The following ARHGAP21 variants were observed in gnomAD, a reference collection of about 807,000 sequenced individuals.
ARHGAP21 encodes the protein Rho GTPase activating protein 21.
In ARHGAP21, 38 loss-of-function variants were observed where a neutral mutation model predicts 164.6. The ratio of observed to expected loss-of-function variants is 0.23; its 90% CI spans 0.18 to 0.30. The LOEUF (loss-of-function observed/expected upper bound fraction) is 0.30. Ranked by LOEUF, ARHGAP21 falls within the 10% of genes least tolerant of loss-of-function variation. ARHGAP21 has a pLI of 1.00. For synonymous variants in ARHGAP21, 766 were observed against 857.9 expected (o/e 0.89, Z 1.87); for missense variants, 1,822 against 2,370.7 (o/e 0.77, Z 4.81).
At chr10:24,633,646 T>A (rs568162215) in intron 5 of ARHGAP21, among the ~76,000 whole-genome samples, 166 bp from the exon 6 acceptor site, 2 of 152,200 alleles carry the variant, frequency 1.3e-5, no homozygotes, top group South Asian at 4.1e-4. Flanking sequence ...ATAAAACAAT[T>A]ATATGAATAT....
At chr10:24,643,785 A>C (rs1274940409) in intron 4 of ARHGAP21, among the ~76,000 whole-genome samples, 1 of 152,216 alleles carries the variant, frequency 6.6e-6, no homozygotes, top group African/African-American at 2.4e-5. Context: ...TTCCCAGTTC[A>C]GCTAAGTTCT....
At chr10:24,674,470 G>A (rs1253829174) in intron 2 of ARHGAP21, among the ~76,000 whole-genome samples, 17 of 152,082 alleles carry the variant, frequency 1.1e-4, no homozygotes, top group Admixed American at 2.0e-4. Flanking sequence ...GCAGCAAGCC[G>A]AGATCATGTC....
chr10:24,610,231 G>T (rs988303037), intron 9 of ARHGAP21, among the ~76,000 whole-genome samples: 34 of 152,146 alleles, frequency 2.2e-4, no homozygotes, highest in African/African-American at 7.7e-4. Flanking sequence ...ACAAAAATTA[G>T]CTGGGCATGG....
chr10:24,620,782 T>C lies in ARHGAP21; in HGVS notation c.1113A>G (p.Val371=), dbSNP rs1834461440. The change falls in exon 9 of 26, where the codon GTA becomes GTG. Residue 371 remains valine, a synonymous_variant. Transcript: ENST00000396432. The stretch of plus-strand genomic sequence containing the variant: ...AATTTGGCGAATAGTGATTAACAGA[T>C]ACAGAGGGAGCCTCCACAGCTTGAG... ...SRSQAVEAPS[V]SVNHYSPNSH... 4 of 1,614,210 alleles carry C rather than the reference T, an allele frequency of 2.5e-6. No homozygotes were observed. The highest frequency in any genetic ancestry group is 3.4e-6 in the Non-Finnish European group (4 of 1,180,040).
chr10:24,696,724 G>A (rs551074092), intron 2 of ARHGAP21, among the ~76,000 whole-genome samples: 2 of 152,300 alleles, frequency 1.3e-5, no homozygotes, highest in African/African-American at 4.8e-5. Flanking sequence ...GAACTGCTAT[G>A]ACAGACCATG....
At position 24,596,731 on chromosome 10, in the gene ARHGAP21, G is replaced by A. The variant is rs1463992781; in HGVS notation, c.3477+9C>T. The A allele has an allele frequency of 6.2e-7, 1 of 1,613,478 alleles. No individual in the cohort carries two copies. The highest frequency in any genetic ancestry group is 1.7e-5 in the Admixed American group (1 of 59,870). On this transcript the variant is annotated intron_variant, in intron 17 of 25. Transcript: ENST00000396432. Reference sequence around the variant, plus strand: ...ACTTGAGGAAATCCGGTGGGCTGGTGTCTCCTACCCGATTAGTATGAGCTG... The same window carrying A: ...ACTTGAGGAAATCCGGTGGGCTGGTATCTCCTACCCGATTAGTATGAGCTG...
rs1046850817 is a variant in ARHGAP21 at position 24,704,550 on chromosome 10, C to T, written c.63+17287G>A. 2.6e-5 allele frequency among the ~76,000 whole-genome samples: 4 copies of T among 151,874 alleles called. 1 individual carries two copies. The South Asian group carries it at 6.2e-4, about 24-fold the overall frequency. ...CACAATCTCGGCTCACTGCAACCTC[C>T]GCCTCCCAGGTTCAAGCGATTCTCA... On this transcript the variant is annotated intron_variant, in intron 2 of 25. Transcript: ENST00000396432.
At chr10:24,715,512 G>A (rs10764490) in intron 2 of ARHGAP21, among the ~76,000 whole-genome samples, 64,611 of 151,906 alleles carry the variant, frequency 0.43, 13,897 homozygotes, top group Non-Finnish European at 0.43. Flanking sequence ...ATCTCTTAGT[G>A]GAAATTGTTT....
chr10:24,626,982 T>G (rs1835202613), intron 7 of ARHGAP21, among the ~76,000 whole-genome samples: 1 of 152,246 alleles, frequency 6.6e-6, no homozygotes, highest in Non-Finnish European at 1.5e-5. Flanking sequence ...TTCATGGTTT[T>G]AAACATTCTA....
chr10:24,658,673 T>G (rs1217936852), intron 4 of ARHGAP21, among the ~76,000 whole-genome samples: 1 of 152,076 alleles, frequency 6.6e-6, no homozygotes. Flanking sequence ...CACTGGGGCC[T>G]GTTGTGGGGT....
intron 2 of ARHGAP21, among the ~76,000 whole-genome samples, chr10:24,699,977 A>C (rs1484289724): frequency 6.6e-6 from 1 of 152,024 alleles, no homozygotes; most frequent in African/African-American, 2.4e-5. Context: ...GGGCAGAGAG[A>C]GGTGTTTTTT....
chr10:24,721,286 T>C (rs1198589604), intron 2 of ARHGAP21, among the ~76,000 whole-genome samples: 1 of 152,190 alleles, frequency 6.6e-6, no homozygotes, highest in African/African-American at 2.4e-5. Flanking sequence ...AAGGTCGTTT[T>C]CCAAGGCTGT....
intron 2 of ARHGAP21, among the ~76,000 whole-genome samples, chr10:24,683,753 G>C (rs1841987846): frequency 6.6e-6 from 1 of 152,080 alleles, no homozygotes; most frequent in Admixed American, 6.6e-5. Flanking sequence ...CAACCTAGAA[G>C]GGCACATGGT....
intron 13 of ARHGAP21, 83 bp from the exon 14 acceptor site, chr10:24,601,013 C>T (rs750191734): frequency 1.1e-5 from 17 of 1,479,636 alleles, no homozygotes; most frequent in East Asian, 2.3e-5. Context: ...CAACACCCTT[C>T]CTCTGCATTT....
At chr10:24,683,177 T>C (rs1218913292) in intron 2 of ARHGAP21, among the ~76,000 whole-genome samples, 1 of 152,152 alleles carries the variant, frequency 6.6e-6, no homozygotes, top group Non-Finnish European at 1.5e-5. Context: ...TAAGTGACTT[T>C]AGTTGATAAT....
Position 24,597,577 on chromosome 10 carries a change from T to C in ARHGAP21, c.3204A>G (p.Ala1068=), listed in dbSNP as rs781084240. Residue 1068 remains alanine (A), a synonymous_variant, in exon 16 of 26, where the codon GCA becomes GCG. Transcript: ENST00000396432. ...GGCGAGGTGTTTTTGGCAACTGTTC[T>C]GCTTTGCTGTTGAAGGAAATGACAT... ...IKEYNNLMSK[A]EQLPKTPRQS... is the part of the protein sequence containing the mutation. 14 of 1,613,732 alleles carry C rather than the reference T, an allele frequency of 8.7e-6. No individual in the cohort carries two copies. The highest frequency in any genetic ancestry group is 1.3e-5 in the African/African-American group (1 of 74,900).
chr10:24,585,265 C>T lies in ARHGAP21; in HGVS notation c.5024G>A (p.Ser1675Asn). 1.2e-6 allele frequency: 2 copies of T among 1,607,432 alleles called. No individual in the cohort carries two copies. The highest frequency in any genetic ancestry group is 2.2e-5 in the South Asian group (2 of 90,972). The change falls in exon 26 of 26, where the codon AGT (serine) becomes AAT (asparagine). Residue 1675 changes from serine to asparagine, a missense_variant. Around this residue, in one of 5 missense-constraint regions of ARHGAP21, gnomAD observed 117 missense variants for 193.2 expected, o/e 0.61. Transcript: ENST00000396432. ...TGATGTTAAACTTCCCTCGGTGCAACTTAATTCACTTCCTTCAGAATTTCT... is the reference window on the plus strand; with the variant it reads ...TGATGTTAAACTTCCCTCGGTGCAATTTAATTCACTTCCTTCAGAATTTCT... ...SRRNSEGSELSCTEGSLTSSL... is the reference protein window; with the variant it reads ...SRRNSEGSELNCTEGSLTSSL...
intron 2 of ARHGAP21, among the ~76,000 whole-genome samples, chr10:24,674,968 G>C (rs1841070940): frequency 6.6e-6 from 1 of 152,152 alleles, no homozygotes; most frequent in Non-Finnish European, 1.5e-5. Flanking sequence ...GAAGCAACTA[G>C]AACTCTCAGA....
At chr10:24,616,228 T>C (rs748534678) in intron 9 of ARHGAP21, among the ~76,000 whole-genome samples, 1 of 152,240 alleles carries the variant, frequency 6.6e-6, no homozygotes, top group Non-Finnish European at 1.5e-5. Context: ...TTTCTCTTTA[T>C]AAAAGATGTA....
Sources: allele counts gnomAD v4.1 joint callset (sites outside exome capture counted in the v4.1 genomes callset), GRCh38; gene constraint gnomAD v4.1.1; regional missense constraint gnomAD v4.1.1; transcripts MANE v1.5; gene names NCBI Gene and HGNC (gene_info 2026-07-23, HGNC 2026-07-21).